Variants in SPOCK1 observed in about 807,000 individuals in gnomAD.
SPOCK1 encodes the protein SPARC (osteonectin), cwcv and kazal like domains proteoglycan 1, also known as testican-1.
Under a neutral mutation model 55.3 loss-of-function variants are expected in SPOCK1, and 23 were observed. The observed-to-expected ratio is 0.42, with a 90% confidence interval of 0.30 to 0.59. The LOEUF (loss-of-function observed/expected upper bound fraction) is 0.59, where lower values mean the gene tolerates loss of function less well. Among genes scored for constraint, SPOCK1 ranks in the 20% least tolerant of loss-of-function variants. SPOCK1 has a pLI of 0.22. For missense variants in SPOCK1, 499 were observed against 552.5 expected, an observed-to-expected ratio of 0.90 and a Z score of 0.97; for synonymous variants, 226 against 221.0, an observed-to-expected ratio of 1.02 and a Z score of -0.20.
chr5:137,042,054 C>G lies in SPOCK1; in HGVS notation c.589+25661G>C, dbSNP rs375045610. Among the ~76,000 whole-genome samples, 20 of 152,212 alleles carry G rather than the reference C, an allele frequency of 1.3e-4. No homozygotes were observed. In the East Asian group the frequency reaches 2.3e-3, roughly 18 times the overall value. On this transcript the variant is annotated intron_variant, in intron 6 of 10. Transcript: ENST00000394945. The stretch of plus-strand genomic sequence containing the variant: ...ACCAAAACTGGAAGCAACCAAGATG[C>G]CCTTCAATATGTGAATGGATAAACA...
intron 7 of SPOCK1, among the ~76,000 whole-genome samples, chr5:136,989,419 G>T (rs751330590): frequency 6.6e-5 from 10 of 152,138 alleles, no homozygotes; most frequent in African/African-American, 9.7e-5. Context: ...AGAATCAAAG[G>T]TCCCGTGCAA....
chr5:137,378,897 C>T lies in SPOCK1; in HGVS notation c.187-111842G>A, dbSNP rs146061427. ...GGTAAAAAGGCACCAGAAAGGCAAA[C>T]TGCTAGGCTTGGAGATAGCCATGGA... On this transcript the variant is annotated intron_variant, in intron 2 of 10. Transcript: ENST00000394945. 8.2e-3 allele frequency among the ~76,000 whole-genome samples: 1,248 copies of T among 152,270 alleles called. 5 individuals are homozygous for T. Among genetic ancestry groups the T allele is most frequent in the Middle Eastern group, 0.017 (5 of 294 alleles).
chr5:137,242,424 T>C (rs114886789), intron 3 of SPOCK1, among the ~76,000 whole-genome samples: 4,616 of 152,308 alleles, frequency 0.03, 100 homozygotes, highest in Non-Finnish European at 0.041. Flanking sequence ...GACTTGCCTT[T>C]CTTCCTCCTT....
At chr5:137,151,961 C>G (rs1372591691) in intron 3 of SPOCK1, among the ~76,000 whole-genome samples, 1 of 152,174 alleles carries the variant, frequency 6.6e-6, no homozygotes, top group African/African-American at 2.4e-5. Context: ...CAAGCCCTTT[C>G]TTTCTCCAAT....
chr5:137,336,437 TG>T (rs1750281253), intron 2 of SPOCK1, among the ~76,000 whole-genome samples: 1 of 152,216 alleles, frequency 6.6e-6, no homozygotes, highest in South Asian at 2.1e-4. Flanking sequence ...ACAGTACTAT[TG>T]CTCTCCACTG....
intron 2 of SPOCK1, among the ~76,000 whole-genome samples, chr5:137,340,507 A>G (rs951235058): frequency 6.6e-6 from 1 of 152,216 alleles, no homozygotes. Context: ...AAATAAGAAT[A>G]ACTGTAGTAC....
intron 2 of SPOCK1, among the ~76,000 whole-genome samples, chr5:137,450,589 A>G (rs1473950703): frequency 1.3e-5 from 2 of 152,156 alleles, no homozygotes; most frequent in African/African-American, 2.4e-5. Context: ...TGAAATTCTT[A>G]GTAATTTTTT....
chr5:137,275,576 C>A (rs1757050388), intron 2 of SPOCK1, among the ~76,000 whole-genome samples: 1 of 152,166 alleles, frequency 6.6e-6, no homozygotes, highest in Non-Finnish European at 1.5e-5. Flanking sequence ...TAATGTGCAG[C>A]CTCCATAGGA....
intron 2 of SPOCK1, among the ~76,000 whole-genome samples, chr5:137,396,564 T>C (rs899295901): frequency 6.6e-6 from 1 of 152,216 alleles, no homozygotes; most frequent in Non-Finnish European, 1.5e-5. Flanking sequence ...TGGAGACGCC[T>C]GCCTAGTGCA....
chr5:137,359,256 C>G (rs1750888548), intron 2 of SPOCK1, among the ~76,000 whole-genome samples: 1 of 152,174 alleles, frequency 6.6e-6, no homozygotes, highest in Admixed American at 6.5e-5. Flanking sequence ...GCATGATACT[C>G]TCATTTGGTT....
intron 2 of SPOCK1, among the ~76,000 whole-genome samples, chr5:137,271,053 G>T (rs1401967902): frequency 6.6e-6 from 1 of 151,766 alleles, no homozygotes; most frequent in Non-Finnish European, 1.5e-5. Context: ...TCACCATAAA[G>T]ATCATGGTAA....
rs142889812 is a variant in SPOCK1 at position 137,148,410 on chromosome 5, C to A, written c.233-7716G>T. Among the ~76,000 whole-genome samples, 8 of 152,310 alleles carry A rather than the reference C, an allele frequency of 5.3e-5. No individual in the cohort carries two copies. In the East Asian group the frequency reaches 1.5e-3, roughly 29 times the overall value. ...GAAATGTGTGTCATAAAATCAACAA[C>A]CACAAAATTTTATTAGCCTGGGCAG... On this transcript the variant is annotated intron_variant, in intron 3 of 10. Coordinates refer to ENST00000394945, the MANE Select transcript of SPOCK1 (RefSeq NM_004598.4).
intron 3 of SPOCK1, among the ~76,000 whole-genome samples, chr5:137,266,587 C>T (rs982682005): frequency 1.3e-5 from 2 of 152,156 alleles, no homozygotes; most frequent in African/African-American, 4.8e-5. Context: ...TCGCAGTACC[C>T]TTGACAGTCT....
At chr5:137,057,690 T>G (rs1351185774) in intron 6 of SPOCK1, among the ~76,000 whole-genome samples, 2 of 152,204 alleles carry the variant, frequency 1.3e-5, no homozygotes, top group Admixed American at 1.3e-4. Flanking sequence ...AATACACCAC[T>G]TGGATCTAGG....
intron 2 of SPOCK1, among the ~76,000 whole-genome samples, chr5:137,486,936 T>C (rs901202300): frequency 2.0e-5 from 3 of 152,162 alleles, no homozygotes; most frequent in African/African-American, 4.8e-5. Flanking sequence ...AGTGAGGCCT[T>C]GGCCAGATGA....
intron 2 of SPOCK1, among the ~76,000 whole-genome samples, chr5:137,390,790 C>T (rs1751702756): frequency 6.6e-6 from 1 of 152,158 alleles, no homozygotes; most frequent in Non-Finnish European, 1.5e-5. Flanking sequence ...AGGAAAGAAG[C>T]CAGAGGTCAA....
chr5:137,498,460 G>A lies in SPOCK1; in HGVS notation c.99C>T (p.Pro33=), dbSNP rs1189791292. 1 of 1,609,536 alleles carries A rather than the reference G, an allele frequency of 6.2e-7. No homozygotes were observed. Among genetic ancestry groups the A allele is most frequent in the Non-Finnish European group, 8.5e-7 (1 of 1,178,852 alleles). ...CATTGTCTAGGAAATTGCCGTGGTT[G>A]GGGCCCGCGCCTCCGGCGAGCGCGT... ...HLDALAGGAG[P]NHGNFLDNDQ... Residue 33 remains proline (P), a synonymous_variant, in exon 2 of 11, where the codon CCC becomes CCT. Transcript: ENST00000394945.
At chr5:137,111,844 C>A (rs561842517) in intron 5 of SPOCK1, among the ~76,000 whole-genome samples, 1 of 152,256 alleles carries the variant, frequency 6.6e-6, no homozygotes, top group African/African-American at 2.4e-5. Flanking sequence ...TATCCCAGCC[C>A]CTTTTTCTGT....
At chr5:137,225,843 G>A (rs1237020587) in intron 3 of SPOCK1, among the ~76,000 whole-genome samples, 1 of 152,228 alleles carries the variant, frequency 6.6e-6, no homozygotes, top group African/African-American at 2.4e-5. Flanking sequence ...CAAGAACTGA[G>A]AAAGGAATAT....
Sources: gnomAD v4.1 joint callset for allele counts (sites outside exome capture counted in the v4.1 genomes callset) on GRCh38, gnomAD v4.1.1 for gene constraint, MANE v1.5 for transcripts, NCBI Gene and HGNC (gene_info 2026-07-23, HGNC 2026-07-21) for gene names.